PPP4R4: variants seen among roughly 807,000 people sequenced by gnomAD.
The protein encoded by PPP4R4 is serine/threonine-protein phosphatase 4 regulatory subunit 4.
Under a neutral mutation model 121.8 loss-of-function variants are expected in PPP4R4, and 70 were observed. The observed-to-expected ratio is 0.57, with a 90% CI of 0.47 to 0.70. The LOEUF is 0.70. Ranked by LOEUF, PPP4R4 falls within the 30% of genes least tolerant of loss-of-function variation. The pLI, the probability that PPP4R4 is intolerant of heterozygous loss-of-function variation, is 0.00. For missense variants in PPP4R4, 875 were observed against 1,033.6 expected (o/e 0.85, Z 2.10); for synonymous variants, 348 against 355.7 (o/e 0.98, Z 0.24).
At chr14:94,262,915 T>C (rs1051949914) in intron 19 of PPP4R4, among the ~76,000 whole-genome samples, 3 of 152,116 alleles carry the variant, frequency 2.0e-5, no homozygotes, top group African/African-American at 7.2e-5. Context: ...GCCTTTTCCT[T>C]ACTGCATTCT....
Position 94,265,796 on chromosome 14 carries a change from A to G in PPP4R4, c.2287A>G (p.Lys763Glu), listed in dbSNP as rs945401145. 3 of 1,597,926 alleles carry G rather than the reference A, an allele frequency of 1.9e-6. No homozygotes were observed. Among genetic ancestry groups the G allele is most frequent in the African/African-American group, 2.7e-5 (2 of 74,230 alleles). Residue 763 changes from lysine (K) to glutamate (E), a missense_variant and splice_region_variant, in exon 22 of 25, where the codon AAA (lysine) becomes GAA (glutamate). By Grantham distance (56) the Lys-to-Glu change is moderately conservative. Transcript: ENST00000304338. ...CTTTTTTCTGCTTATTGCTCTAGGT[A>G]AAGAAATCAAGAAATCCAAACTGAT... Reference protein sequence around the residue: ...GPSSVTPSTSKEIKKSKLIRS... With the variant: ...GPSSVTPSTSEEIKKSKLIRS...
chr14:94,211,833 G>A (rs186929310), intron 3 of PPP4R4, among the ~76,000 whole-genome samples: 10 of 152,240 alleles, frequency 6.6e-5, no homozygotes, highest in African/African-American at 2.4e-4. Flanking sequence ...GCAGAATTTC[G>A]TAACAGATTG....
chr14:94,268,838 C>A (rs548028236), intron 23 of PPP4R4, among the ~76,000 whole-genome samples: 1 of 152,196 alleles, frequency 6.6e-6, no homozygotes, highest in South Asian at 2.1e-4. Flanking sequence ...CCACCGGGTC[C>A]CTCCCACAAC....
intron 15 of PPP4R4, 56 bp from the exon 16 acceptor site, chr14:94,251,693 A>G: frequency 7.3e-7 from 1 of 1,370,116 alleles, no homozygotes. Flanking sequence ...TAACTTTGTC[A>G]CTTTAATTTC....
intron 2 of PPP4R4, among the ~76,000 whole-genome samples, chr14:94,180,350 A>G (rs1482250133): frequency 6.6e-6 from 1 of 152,232 alleles, no homozygotes; most frequent in Non-Finnish European, 1.5e-5. Context: ...ACAAATCATA[A>G]TTAAGCATTT....
chr14:94,214,023 AG>A (rs1416963733), intron 3 of PPP4R4, among the ~76,000 whole-genome samples: 9 of 152,320 alleles, frequency 5.9e-5, no homozygotes, highest in African/African-American at 2.2e-4. Context: ...TTCTTTCATA[AG>A]GGCAGAATAT....
chr14:94,245,058 G>T (rs1183280572), intron 12 of PPP4R4, among the ~76,000 whole-genome samples: 6 of 151,606 alleles, frequency 4.0e-5, no homozygotes, highest in African/African-American at 1.5e-4. Context: ...CTATATAAAG[G>T]TTTTTATTTT....
rs1031823352 is a variant in PPP4R4 at position 94,174,322 on chromosome 14, C to G, written c.-144C>G. On this transcript the variant is annotated 5_prime_UTR_variant, in exon 1 of 25. Transcript: ENST00000304338. ...CCCCGCCCCCTCGCCGGGCCGTGCT[C>G]TTGCTCCCGCCGCCTGGCAGCCTCA... is the stretch of plus-strand genomic sequence containing the variant. The G allele has an allele frequency of 1.2e-5, 8 of 683,784 alleles. No homozygotes were observed. In the African/African-American group the frequency reaches 1.3e-4, roughly 11 times the overall value. The allele number at this position is 683,784 out of a possible 1,614,324, so 42.4% of individuals were successfully genotyped here. A position where few individuals can be genotyped will look rare whatever the true frequency, so the allele number is the denominator to read the frequency against.
intron 11 of PPP4R4, 44 bp downstream of exon 11, chr14:94,242,452 C>G: frequency 6.4e-7 from 1 of 1,551,264 alleles, no homozygotes; most frequent in Non-Finnish European, 8.9e-7. Flanking sequence ...GTTGTTAATT[C>G]TACCTATGTA....
intron 1 of PPP4R4, chr14:94,175,677 TG>T: frequency 5.1e-6 from 1 of 195,968 alleles, no homozygotes; most frequent in East Asian, 1.2e-4. Flanking sequence ...TAGCATTTCT[TG>T]GGGTGGAAAA....
intron 8 of PPP4R4, among the ~76,000 whole-genome samples, chr14:94,240,202 A>C (rs1264910041): frequency 6.6e-6 from 1 of 152,240 alleles, no homozygotes; most frequent in Non-Finnish European, 1.5e-5. Flanking sequence ...ATGAAATTCA[A>C]TACATAGAAC....
At chr14:94,227,326 T>G in intron 3 of PPP4R4, 1 of 1,612,682 alleles carries the variant, frequency 6.2e-7, no homozygotes, top group Non-Finnish European at 8.5e-7. Context: ...AGAGTATGGA[T>G]CTCACATATG....
In PPP4R4 at chr14:94,274,954, TAGAA is replaced by T. The variant is rs143787277; in HGVS notation, c.2450-417_2450-414del. Among the ~76,000 whole-genome samples, 918 of 152,174 alleles carry T rather than the reference TAGAA, an allele frequency of 6.0e-3. 3 individuals are homozygous for T. Among genetic ancestry groups the T allele is most frequent in the African/African-American group, 0.021 (854 of 41,520 alleles). Reference sequence around the variant, plus strand: ...AGATTCACACAATACCAGTCAGAAATAGAAAGGAAGGAAGTATTGATACATAAAA... The same window carrying T: ...AGATTCACACAATACCAGTCAGAAATAGGAAGGAAGTATTGATACATAAAA... On this transcript the variant is annotated intron_variant, in intron 23 of 24. Transcript: ENST00000304338.
chr14:94,268,951 A>G (rs1053278092), intron 23 of PPP4R4, among the ~76,000 whole-genome samples: 1 of 152,160 alleles, frequency 6.6e-6, no homozygotes, highest in Non-Finnish European at 1.5e-5. Flanking sequence ...AAAATATTCT[A>G]TTTTAATGTC....
At chr14:94,215,600 T>C (rs1890979927) in intron 3 of PPP4R4, among the ~76,000 whole-genome samples, 1 of 152,208 alleles carries the variant, frequency 6.6e-6, no homozygotes, top group Admixed American at 6.5e-5. Context: ...GTAAGGTTGA[T>C]AGAAGATAAT....
chr14:94,227,275 T>G lies in PPP4R4; in HGVS notation c.295-3312T>G, dbSNP rs148459536. 43 of 1,597,138 alleles carry G rather than the reference T, an allele frequency of 2.7e-5. No homozygotes were observed. The African/African-American group carries it at 5.4e-4, about 20-fold the overall frequency. On this transcript the variant is annotated intron_variant, in intron 3 of 24. Coordinates refer to ENST00000304338, the MANE Select transcript of PPP4R4 (RefSeq NM_058237.2). ...AGCAATAGAGGAATTTACTTTTCAG[T>G]GTCTTCCAAGGTCCATGAGGATGCA...
intron 3 of PPP4R4, among the ~76,000 whole-genome samples, chr14:94,229,083 C>G (rs187045172): frequency 6.6e-6 from 1 of 151,944 alleles, no homozygotes; most frequent in Non-Finnish European, 1.5e-5. Flanking sequence ...AGATGGAAGC[C>G]CATTGGAGAG....
chr14:94,187,195 C>A (rs1415052339), intron 2 of PPP4R4, among the ~76,000 whole-genome samples: 1 of 151,894 alleles, frequency 6.6e-6, no homozygotes, highest in Non-Finnish European at 1.5e-5. Context: ...ACCTGTAATC[C>A]CAGCTACTCG....
chr14:94,246,730 G>A (rs1287598063), intron 14 of PPP4R4, among the ~76,000 whole-genome samples, 191 bp downstream of exon 14: 1 of 152,086 alleles, frequency 6.6e-6, no homozygotes, highest in Non-Finnish European at 1.5e-5. Flanking sequence ...CTCCCTCTGA[G>A]AATCTTCTCT....
Sources: allele counts gnomAD v4.1 joint callset (sites outside exome capture counted in the v4.1 genomes callset), GRCh38; gene constraint gnomAD v4.1.1; transcripts MANE v1.5; gene names NCBI Gene and HGNC (gene_info 2026-07-23, HGNC 2026-07-21).